PITPNM3: variants seen among roughly 807,000 people sequenced by gnomAD.
PITPNM3 encodes the protein PITPNM family member 3.
Under a neutral mutation model 102.0 loss-of-function variants are expected in PITPNM3, and 26 were observed. The observed-to-expected ratio is 0.25, with a 90% CI of 0.19 to 0.35. The LOEUF is 0.35. Ranked by LOEUF, PITPNM3 falls within the 10% of genes least tolerant of loss-of-function variation. The pLI is 1.00. For missense variants in PITPNM3, 1,083 were observed against 1,346.1 expected, an observed-to-expected ratio of 0.80 and a Z score of 3.06; for synonymous variants, 578 against 558.6, an observed-to-expected ratio of 1.03 and a Z score of -0.49.
In PITPNM3 at chr17:6,470,780, C is replaced by G. The variant is rs761251938; in HGVS notation, c.1625-372G>C. ...CTTCCTTAATGGTCAGAGGTCAGAGCCCTGTCCAGGGTCAAAGGTCAGGGC... is the reference window on the plus strand; with the variant it reads ...CTTCCTTAATGGTCAGAGGTCAGAGGCCTGTCCAGGGTCAAAGGTCAGGGC... On this transcript the variant is annotated intron_variant, in intron 12 of 19. Coordinates refer to ENST00000262483, the MANE Select transcript of PITPNM3 (RefSeq NM_031220.4). The surrounding 1 kb of genome is among the most constrained non-coding windows in gnomAD (Gnocchi z 4.8). 2.0e-5 allele frequency among the ~76,000 whole-genome samples: 3 copies of G among 152,154 alleles called. No homozygotes were observed. The highest frequency in any genetic ancestry group is 7.2e-5 in the African/African-American group (3 of 41,426).
At chr17:6,540,961 G>A (rs1010479570) in intron 1 of PITPNM3, among the ~76,000 whole-genome samples, 8 of 152,144 alleles carry the variant, frequency 5.3e-5, no homozygotes, top group Non-Finnish European at 1.0e-4. Flanking sequence ...ATCTGGCCCC[G>A]CCTTGGTTTT....
chr17:6,489,547 G>A (rs569343537), intron 4 of PITPNM3, among the ~76,000 whole-genome samples: 16 of 150,816 alleles, frequency 1.1e-4, no homozygotes, highest in African/African-American at 2.9e-4. Flanking sequence ...AAGGAGGGGA[G>A]TAAGAAAGGG....
At position 6,556,257 on chromosome 17, in the gene PITPNM3, G is replaced by GC. The variant is rs1910603618; in HGVS notation, c.22+127dup. On this transcript the variant is annotated intron_variant, in intron 1 of 19. Coordinates refer to ENST00000262483, the MANE Select transcript of PITPNM3 (RefSeq NM_031220.4). The surrounding 1 kb of genome is among the most constrained non-coding windows in gnomAD (Gnocchi z 5.2). Reference sequence around the variant, plus strand: ...GCGCGGGAGGTCCAGCCCCGCTACCGCCCCCTACGCCCTCCCGGGACCTCC... The same window carrying GC: ...GCGCGGGAGGTCCAGCCCCGCTACCGCCCCCCTACGCCCTCCCGGGACCTCC... 1.0e-5 allele frequency: 7 copies of GC among 697,044 alleles called. No homozygotes were observed. Among genetic ancestry groups the GC allele is most frequent in the Admixed American group, 4.7e-5 (1 of 21,068 alleles). The allele number at this position is 697,044 out of a possible 1,614,324, so 43.2% of individuals were successfully genotyped here.
At chr17:6,482,598 A>G (rs563375248) in intron 6 of PITPNM3, among the ~76,000 whole-genome samples, 64 of 152,128 alleles carry the variant, frequency 4.2e-4, no homozygotes, top group Admixed American at 3.9e-4. Flanking sequence ...GCACAGATAA[A>G]ACAAACTGGG....
chr17:6,497,205 C>T (rs1017619782), intron 4 of PITPNM3, among the ~76,000 whole-genome samples: 1 of 152,172 alleles, frequency 6.6e-6, no homozygotes, highest in Non-Finnish European at 1.5e-5. Context: ...AGGGGCTTCA[C>T]GCATCCTGTC....
intron 2 of PITPNM3, among the ~76,000 whole-genome samples, chr17:6,526,415 C>T (rs191747548): frequency 6.6e-4 from 101 of 152,296 alleles, no homozygotes; most frequent in African/African-American, 2.3e-3. Context: ...TGCCCTCCCT[C>T]GCAGAACAGA....
intron 14 of PITPNM3, among the ~76,000 whole-genome samples, chr17:6,467,049 C>T (rs1277429974): frequency 1.8e-5 from 2 of 110,068 alleles, no homozygotes; most frequent in African/African-American, 3.6e-5. Context: ...GGCGACAGAA[C>T]AAGACTCCGT....
chr17:6,507,210 C>T (rs954866715), intron 3 of PITPNM3, among the ~76,000 whole-genome samples: 15 of 152,130 alleles, frequency 9.9e-5, no homozygotes, highest in East Asian at 1.9e-4. Context: ...GGCTTCAAGG[C>T]GGCAGGAGGC....
chr17:6,548,016 C>G (rs1910116733), intron 1 of PITPNM3, among the ~76,000 whole-genome samples: 1 of 152,090 alleles, frequency 6.6e-6, no homozygotes, highest in South Asian at 2.1e-4. Context: ...GCGTGAGCCA[C>G]CACGCCTGGC....
At chr17:6,552,216 G>A (rs560968009) in intron 1 of PITPNM3, among the ~76,000 whole-genome samples, 2 of 152,154 alleles carry the variant, frequency 1.3e-5, no homozygotes, top group Non-Finnish European at 2.9e-5. Flanking sequence ...CTGTGGCCTC[G>A]GCTCTGTCTC....
rs1224228384 is a variant in PITPNM3 at position 6,519,216 on chromosome 17, A to G, written c.226+6140T>C. Among the ~76,000 whole-genome samples the G allele has an allele frequency of 3.4e-5, 2 of 59,076 alleles. 1 individual carries two copies. Among genetic ancestry groups the G allele is most frequent in the African/African-American group, 1.5e-4 (2 of 13,614 alleles). The allele number at this position is 59,076 out of a possible 152,430, so 38.8% of individuals were successfully genotyped here. On this transcript the variant is annotated intron_variant, in intron 3 of 19. Coordinates refer to ENST00000262483, the MANE Select transcript of PITPNM3 (RefSeq NM_031220.4). ...GCCGGGCGCGGTGGCGGGCGCCTGT[A>G]GTCCCAGCTACTCGGGAGGCTGAGG...
rs901028379 is a variant in PITPNM3, at chr17:6,472,843, A to T, written c.1259-16T>A. Reference sequence around the variant, plus strand: ...ACCTGGAAGCCTGGGGTGAGTGGGAAGACAGAGGGAAGCCACTTTCTAGTA... The same window carrying T: ...ACCTGGAAGCCTGGGGTGAGTGGGATGACAGAGGGAAGCCACTTTCTAGTA... On this transcript the variant is annotated splice_polypyrimidine_tract_variant and intron_variant, in intron 10 of 19. Transcript: ENST00000262483. The surrounding 1 kb of genome is among the most constrained non-coding windows in gnomAD (Gnocchi z 4.1). 2 of 1,613,598 alleles carry T rather than the reference A, an allele frequency of 1.2e-6. No individual in the cohort carries two copies. The highest frequency in any genetic ancestry group is 2.7e-5 in the African/African-American group (2 of 74,942).
At chr17:6,460,913 T>G (rs1019378828) in intron 18 of PITPNM3, 3 of 260,486 alleles carry the variant, frequency 1.2e-5, no homozygotes, top group African/African-American at 6.7e-5. Flanking sequence ...CTCCCGAGTT[T>G]CCGAGTTTCC....
rs564528454 is a variant in PITPNM3, at chr17:6,477,597, G to A, written c.900+378C>T. On this transcript the variant is annotated intron_variant, in intron 8 of 19. Coordinates refer to ENST00000262483, the MANE Select transcript of PITPNM3 (RefSeq NM_031220.4). ...GTCTCCCTCTGTCACACAGGCTGGA[G>A]TGCAGTGGTGCGATCTTGGCTCACT... is the stretch of plus-strand genomic sequence containing the variant. Among the ~76,000 whole-genome samples the A allele has an allele frequency of 8.5e-5, 13 of 152,194 alleles. No individual in the cohort carries two copies. The South Asian group carries it at 2.7e-3, about 32-fold the overall frequency.
chr17:6,535,922 G>C (rs1909394016), intron 2 of PITPNM3, among the ~76,000 whole-genome samples: 2 of 152,024 alleles, frequency 1.3e-5, no homozygotes, highest in Non-Finnish European at 2.9e-5. Context: ...AAATTGGTCA[G>C]ACGTGGTGGC....
At chr17:6,507,202 C>T (rs1259367611) in intron 3 of PITPNM3, among the ~76,000 whole-genome samples, 1 of 152,206 alleles carries the variant, frequency 6.6e-6, no homozygotes. Flanking sequence ...TCCCAGGAGG[C>T]TTCAAGGCGG....
At chr17:6,514,969 T>G (rs184844534) in intron 3 of PITPNM3, among the ~76,000 whole-genome samples, 1 of 152,230 alleles carries the variant, frequency 6.6e-6, no homozygotes, top group East Asian at 1.9e-4. Context: ...CCAAAAACAT[T>G]ATGTTAAGGG....
intron 3 of PITPNM3, among the ~76,000 whole-genome samples, chr17:6,513,645 A>C (rs1230739297): frequency 6.6e-6 from 1 of 152,250 alleles, no homozygotes; most frequent in African/African-American, 2.4e-5. Flanking sequence ...GAAAGAAAGA[A>C]GACTTACATA....
chr17:6,455,876 C>T (rs973662731), intron 19 of PITPNM3, among the ~76,000 whole-genome samples: 4 of 151,472 alleles, frequency 2.6e-5, no homozygotes, highest in Non-Finnish European at 5.9e-5. Context: ...TACGGAGGCA[C>T]CTCCAGCTTC....
Sources: allele counts gnomAD v4.1 joint callset (sites outside exome capture counted in the v4.1 genomes callset), GRCh38; gene constraint gnomAD v4.1.1; non-coding constraint Gnocchi (gnomAD v3.1); transcripts MANE v1.5; gene names NCBI Gene and HGNC (gene_info 2026-07-23, HGNC 2026-07-21).